EMP1: variants seen among roughly 807,000 people sequenced by gnomAD.
EMP1 encodes the protein epithelial membrane protein 1.
In EMP1, 5 loss-of-function variants were observed where a neutral mutation model predicts 15.7. The ratio of observed to expected loss-of-function variants is 0.32; its 90% CI spans 0.17 to 0.67. The LOEUF (loss-of-function observed/expected upper bound fraction) is 0.67. Ranked by LOEUF, EMP1 falls within the 30% of genes least tolerant of loss-of-function variation. The pLI is 0.74. For missense variants in EMP1, 166 were observed against 194.2 expected (o/e 0.85, Z 0.86); for synonymous variants, 78 against 76.7 (o/e 1.02, Z -0.09).
intron 1 of EMP1, among the ~76,000 whole-genome samples, chr12:13,204,464 G>A (rs911130084): frequency 2.6e-5 from 4 of 152,186 alleles, no homozygotes; most frequent in Non-Finnish European, 5.9e-5. Context: ...TGTTACATGC[G>A]CATCCATTTT....
intron 1 of EMP1, among the ~76,000 whole-genome samples, chr12:13,201,102 T>C (rs1864061605): frequency 6.6e-6 from 1 of 152,204 alleles, no homozygotes; most frequent in South Asian, 2.1e-4. Context: ...TTGGTGGTTC[T>C]TTCAGACCCC....
intron 2 of EMP1, among the ~76,000 whole-genome samples, chr12:13,212,660 T>G (rs1864176337): frequency 6.6e-6 from 1 of 152,250 alleles, no homozygotes; most frequent in Non-Finnish European, 1.5e-5. Context: ...GCCCCTAATA[T>G]AAGGCTAGGC....
At chr12:13,199,980 T>C (rs1273213539) in intron 1 of EMP1, among the ~76,000 whole-genome samples, 2 of 150,982 alleles carry the variant, frequency 1.3e-5, no homozygotes, top group Non-Finnish European at 2.9e-5. Context: ...TTTTTTTTTT[T>C]TGCCTAAGGC....
intron 1 of EMP1, among the ~76,000 whole-genome samples, chr12:13,206,417 G>T (rs561863645): frequency 1.3e-5 from 2 of 152,232 alleles, no homozygotes; most frequent in South Asian, 4.1e-4. Context: ...GAGCCCTGAG[G>T]GCCTCCCCCA....
intron 2 of EMP1, among the ~76,000 whole-genome samples, chr12:13,212,279 T>A (rs1157607083): frequency 2.0e-5 from 3 of 152,172 alleles, no homozygotes; most frequent in African/African-American, 7.2e-5. Context: ...TAGTGGTGGC[T>A]TACAGCGCCC....
intron 4 of EMP1, 154 bp from the exon 5 acceptor site, chr12:13,214,380 G>T: frequency 9.6e-7 from 1 of 1,038,734 alleles, no homozygotes; most frequent in East Asian, 2.6e-5. Flanking sequence ...GCTTGGCCCA[G>T]GGGACATCCA....
In EMP1 at chr12:13,215,621, C is replaced by T. The variant is rs1202383571; in HGVS notation, c.*930C>T. The T allele has an allele frequency of 6.6e-6, 1 of 152,240 alleles. No homozygotes were observed. Among genetic ancestry groups the T allele is most frequent in the Non-Finnish European group, 1.5e-5 (1 of 68,044 alleles). 9.4% of individuals were successfully genotyped at this position (152,240 alleles called of 1,614,324 possible). A position where few individuals can be genotyped will look rare whatever the true frequency, so the allele number is the denominator to read the frequency against. Reference sequence around the variant, plus strand: ...CAACAGGAGAGAGATGGACATGGCTCATTGTAGCACAATCCTATTACTCTT... The same window carrying T: ...CAACAGGAGAGAGATGGACATGGCTTATTGTAGCACAATCCTATTACTCTT... On this transcript the variant is annotated 3_prime_UTR_variant, in exon 5 of 5. Coordinates refer to ENST00000256951, the MANE Select transcript of EMP1 (RefSeq NM_001423.3).
chr12:13,203,988 G>T (rs1160040330), intron 1 of EMP1, among the ~76,000 whole-genome samples: 2 of 152,134 alleles, frequency 1.3e-5, no homozygotes, highest in Non-Finnish European at 1.5e-5. Context: ...AGACCAACAC[G>T]ACTTGCTGTA....
rs1026321428 is a variant in EMP1 at position 13,218,126 on chromosome 12, T to C, written c.*3435T>C. The C allele has an allele frequency of 6.6e-6, 1 of 152,210 alleles. No homozygotes were observed. Among genetic ancestry groups the C allele is most frequent in the Non-Finnish European group, 1.5e-5 (1 of 68,030 alleles). 9.4% of individuals were successfully genotyped at this position (152,210 alleles called of 1,614,324 possible). ...CTCAAGAATGGGACCCAAAGGCAAA[T>C]GATAACTTATTCATTCATCAAGGGA... On this transcript the variant is annotated 3_prime_UTR_variant, in exon 5 of 5. Coordinates refer to ENST00000256951, the MANE Select transcript of EMP1 (RefSeq NM_001423.3).
intron 1 of EMP1, among the ~76,000 whole-genome samples, chr12:13,206,624 C>T (rs1160920186): frequency 2.0e-5 from 3 of 152,218 alleles, no homozygotes; most frequent in Admixed American, 6.5e-5. Flanking sequence ...ATTGCTGCTG[C>T]CGCCAGGCCC....
chr12:13,203,032 A>C (rs1345566876), intron 1 of EMP1, among the ~76,000 whole-genome samples: 1 of 152,146 alleles, frequency 6.6e-6, no homozygotes, highest in African/African-American at 2.4e-5. Context: ...CTCAACCTCT[A>C]AAGAACGAAT....
rs546893845 is a variant in EMP1, at chr12:13,215,452, T to G, written c.*761T>G. ...GAAAGCCAAGGCAGCTCTTCTGGAG[T>G]TTCTCTAAAGTCACTAGTGAACAAT... On this transcript the variant is annotated 3_prime_UTR_variant, in exon 5 of 5. Coordinates refer to ENST00000256951, the MANE Select transcript of EMP1 (RefSeq NM_001423.3). 1 of 152,222 alleles carries G rather than the reference T, an allele frequency of 6.6e-6. No homozygotes were observed. The highest frequency in any genetic ancestry group is 1.9e-4 in the East Asian group (1 of 5,176). 9.4% of individuals were successfully genotyped at this position (152,222 alleles called of 1,614,324 possible).
rs984104071 is a variant in EMP1, at chr12:13,219,560, C to T, written c.*4869C>T. 7.9e-5 allele frequency: 12 copies of T among 152,302 alleles called. No individual in the cohort carries two copies. The highest frequency in any genetic ancestry group is 2.0e-4 in the Admixed American group (3 of 15,292). 9.4% of individuals were successfully genotyped at this position (152,302 alleles called of 1,614,324 possible). ...AATGCCCCACTCCTGGTACCAAATT[C>T]CTGTATTAGTCTGTTTTCACACTGC... On this transcript the variant is annotated 3_prime_UTR_variant, in exon 5 of 5. Transcript: ENST00000256951.
At chr12:13,200,967 G>A (rs181355589) in intron 1 of EMP1, among the ~76,000 whole-genome samples, 11 of 152,300 alleles carry the variant, frequency 7.2e-5, no homozygotes, top group Admixed American at 2.6e-4. Flanking sequence ...GGTTGAAAGC[G>A]TGGCAAGAAT....
chr12:13,200,432 C>T (rs1005194216), intron 1 of EMP1, among the ~76,000 whole-genome samples: 4 of 152,174 alleles, frequency 2.6e-5, no homozygotes, highest in Non-Finnish European at 5.9e-5. Context: ...AGCTCCTAAC[C>T]CTTAACCAGC....
At position 13,214,690 on chromosome 12, in the gene EMP1, A is replaced by G. The variant is rs755548621; in HGVS notation, c.473A>G (p.Ter158=). The change falls in exon 5 of 5, where the codon TAA becomes TGA. Residue 158 remains the stop codon, a stop_retained_variant. Transcript: ENST00000256951. ...GVLYLVLRKK[*] is the part of the protein sequence containing the mutation. ...CTCTATCTGGTCCTGAGAAAGAAATAAGGCCGGACGAGTTCATGGGGATCT... is the reference window on the plus strand; with the variant it reads ...CTCTATCTGGTCCTGAGAAAGAAATGAGGCCGGACGAGTTCATGGGGATCT... 26 of 1,603,686 alleles carry G rather than the reference A, an allele frequency of 1.6e-5. No individual in the cohort carries two copies. The highest frequency in any genetic ancestry group is 2.1e-5 in the Non-Finnish European group (25 of 1,174,150).
At chr12:13,204,269 A>G (rs558250596) in intron 1 of EMP1, among the ~76,000 whole-genome samples, 1 of 151,796 alleles carries the variant, frequency 6.6e-6, no homozygotes, top group African/African-American at 2.4e-5. Flanking sequence ...CTGCTTTCCC[A>G]CCCCTGCATA....
At chr12:13,214,029 C>CT in intron 4 of EMP1, 1 of 773,914 alleles carries the variant, frequency 1.3e-6, no homozygotes, top group Admixed American at 2.0e-5. Context: ...ACCAGTGCTC[C>CT]TGGGTAGCTA....
intron 2 of EMP1, among the ~76,000 whole-genome samples, chr12:13,213,036 T>C (rs1034262834): frequency 5.9e-5 from 9 of 152,270 alleles, no homozygotes; most frequent in Admixed American, 5.9e-4. Context: ...CTTATGTTTC[T>C]TAATTGTTTC....
Sources: gnomAD v4.1 joint callset for allele counts (sites outside exome capture counted in the v4.1 genomes callset) on GRCh38, gnomAD v4.1.1 for gene constraint, MANE v1.5 for transcripts, NCBI Gene and HGNC (gene_info 2026-07-23, HGNC 2026-07-21) for gene names.